The following ADRA1B variants were observed in gnomAD, a reference collection of about 807,000 sequenced individuals.
The protein encoded by ADRA1B is alpha-1B adrenergic receptor.
ADRA1B carries 17 observed loss-of-function variants against 17.9 expected under a neutral mutation model. That is an observed-to-expected ratio of 0.95 (90% CI 0.65 to 1.42). The LOEUF (loss-of-function observed/expected upper bound fraction) is 1.42. Among genes scored for constraint, ADRA1B ranks in the 40% most tolerant of loss-of-function variants. The probability of loss-of-function intolerance (pLI) is 0.00; values close to 1 mark genes in which losing one functional copy is unlikely to be tolerated. For synonymous variants in ADRA1B, 366 were observed against 327.6 expected (o/e 1.12, Z -1.27); for missense variants, 681 against 722.1 (o/e 0.94, Z 0.65).
At chr5:159,882,949 C>T (rs189494831) in intron 1 of ADRA1B, among the ~76,000 whole-genome samples, 35 of 152,256 alleles carry the variant, frequency 2.3e-4, no homozygotes, top group African/African-American at 7.0e-4. Flanking sequence ...TGAAGGCCAA[C>T]CAATCTTCCC....
chr5:159,953,235 C>A (rs1341185428), intron 1 of ADRA1B, among the ~76,000 whole-genome samples: 1 of 152,158 alleles, frequency 6.6e-6, no homozygotes, highest in East Asian at 1.9e-4. Context: ...TAGCACACAC[C>A]TGTAATCCCA....
intron 1 of ADRA1B, among the ~76,000 whole-genome samples, chr5:159,971,634 T>A (rs1303971254): frequency 6.6e-6 from 1 of 152,152 alleles, no homozygotes; most frequent in African/African-American, 2.4e-5. Flanking sequence ...GCTGTTTAAC[T>A]AGATCAAGAA....
In ADRA1B at chr5:159,972,348, C is replaced by T. The variant is rs1351119925; in HGVS notation, c.1419C>T (p.Leu473=). 2 of 1,497,322 alleles carry T rather than the reference C, an allele frequency of 1.3e-6. No homozygotes were observed. Among genetic ancestry groups the T allele is most frequent in the African/African-American group, 1.4e-5 (1 of 69,176 alleles). 92.8% of individuals were successfully genotyped at this position (1,497,322 alleles called of 1,614,324 possible). A position where few individuals can be genotyped will look rare whatever the true frequency, so the allele number is the denominator to read the frequency against. The change falls in exon 2 of 2, where the codon CTC becomes CTT. Residue 473 remains leucine (L), a synonymous_variant. Coordinates refer to ENST00000306675, the MANE Select transcript of ADRA1B (RefSeq NM_000679.4). ...GCGGCCGCCACGACTCGGGCCCGCT[C>T]TTCACCTTCAAGCTCCTGACCGAGC... ...GRRGRHDSGP[L]FTFKLLTEPE... is the part of the protein sequence containing the mutation.
At chr5:159,943,757 G>C (rs1755196613) in intron 1 of ADRA1B, among the ~76,000 whole-genome samples, 2 of 151,954 alleles carry the variant, frequency 1.3e-5, no homozygotes, top group African/African-American at 4.8e-5. Flanking sequence ...CAGATCATAG[G>C]AAGAAAAGAT....
chr5:159,938,590 T>TC (rs1381317210), intron 1 of ADRA1B, among the ~76,000 whole-genome samples: 1 of 152,152 alleles, frequency 6.6e-6, no homozygotes, highest in Non-Finnish European at 1.5e-5. Context: ...CATCTGAATC[T>TC]CAGGATAGAT....
At chr5:159,875,076 G>T (rs1172455022) in intron 1 of ADRA1B, among the ~76,000 whole-genome samples, 1 of 152,070 alleles carries the variant, frequency 6.6e-6, no homozygotes, top group Non-Finnish European at 1.5e-5. Context: ...TCGTTTGGTG[G>T]TATAGGTCCC....
At chr5:159,951,393 G>A (rs1247852738) in intron 1 of ADRA1B, 1 of 860,560 alleles carries the variant, frequency 1.2e-6, no homozygotes, top group African/African-American at 1.6e-5. Flanking sequence ...GTCAATGAAG[G>A]GTCATTAATG....
At chr5:159,969,776 T>G (rs1428704945) in intron 1 of ADRA1B, among the ~76,000 whole-genome samples, 1 of 152,208 alleles carries the variant, frequency 6.6e-6, no homozygotes, top group Non-Finnish European at 1.5e-5. Context: ...TTTTAAGATA[T>G]TTAAATTTGT....
chr5:159,972,523 G>A lies in ADRA1B; in HGVS notation c.*31G>A. The A allele has an allele frequency of 1.5e-6, 1 of 664,422 alleles. No individual in the cohort carries two copies. The highest frequency in any genetic ancestry group is 7.5e-4 in the Middle Eastern group (1 of 1,332). The allele number at this position is 664,422 out of a possible 1,614,324, so 41.2% of individuals were successfully genotyped here. ...CCGTGCGCAGCTTTCTTTCCCTGGG[G>A]AGGAAAACATCGTGGGGGGGAGGGG... On this transcript the variant is annotated 3_prime_UTR_variant, in exon 2 of 2. Transcript: ENST00000306675.
intron 1 of ADRA1B, among the ~76,000 whole-genome samples, chr5:159,966,698 A>T (rs1186920783): frequency 6.6e-6 from 1 of 152,252 alleles, no homozygotes; most frequent in Non-Finnish European, 1.5e-5. Context: ...TGGGTAAATT[A>T]GTACAACCAG....
intron 1 of ADRA1B, chr5:159,951,373 T>C (rs901799098): frequency 2.1e-5 from 21 of 992,726 alleles, no homozygotes; most frequent in Middle Eastern, 3.0e-4. Flanking sequence ...ATGTAAACCA[T>C]GTAGTTGAGG....
chr5:159,878,485 C>A (rs1024288392), intron 1 of ADRA1B, among the ~76,000 whole-genome samples: 2 of 152,198 alleles, frequency 1.3e-5, no homozygotes, highest in African/African-American at 4.8e-5. Flanking sequence ...CTGTTTTCCG[C>A]GTGCAATCTG....
In ADRA1B at chr5:159,972,329, G is replaced by A. The variant is rs1277910780; in HGVS notation, c.1400G>A (p.Arg467His). Reference protein sequence around the residue: ...PAPEPPGRRGRHDSGPLFTFK... With the variant: ...PAPEPPGRRGHHDSGPLFTFK... The stretch of plus-strand genomic sequence containing the variant: ...CCTGAGCCCCCCGGCCGCCGCGGCC[G>A]CCACGACTCGGGCCCGCTCTTCACC... The change falls in exon 2 of 2, where the codon CGC (arginine) becomes CAC (histidine). Residue 467 changes from arginine to histidine, a missense_variant. Coordinates refer to ENST00000306675, the MANE Select transcript of ADRA1B (RefSeq NM_000679.4). 4 of 1,442,028 alleles carry A rather than the reference G, an allele frequency of 2.8e-6. No individual in the cohort carries two copies. The highest frequency in any genetic ancestry group is 3.0e-5 in the African/African-American group (2 of 67,182). 89.3% of individuals were successfully genotyped at this position (1,442,028 alleles called of 1,614,324 possible).
At chr5:159,962,974 A>C (rs1380271834) in intron 1 of ADRA1B, among the ~76,000 whole-genome samples, 1 of 109,616 alleles carries the variant, frequency 9.1e-6, no homozygotes, top group East Asian at 2.6e-4. Context: ...TATGTTGCCC[A>C]GGTTGTTCTC....
chr5:159,883,664 A>T (rs1753891142), intron 1 of ADRA1B, among the ~76,000 whole-genome samples: 1 of 152,212 alleles, frequency 6.6e-6, no homozygotes, highest in African/African-American at 2.4e-5. Context: ...AAATATTTAA[A>T]CACATAATGT....
chr5:159,975,136 G>A (rs1755952579), downstream of ADRA1B, among the ~76,000 whole-genome samples: 1 of 152,154 alleles, frequency 6.6e-6, no homozygotes, highest in East Asian at 1.9e-4. Flanking sequence ...TGAAAACATT[G>A]TGTTAGGATC....
chr5:159,974,019 T>A (rs1561613837), downstream of ADRA1B, among the ~76,000 whole-genome samples: 1 of 152,246 alleles, frequency 6.6e-6, no homozygotes, highest in Non-Finnish European at 1.5e-5. Context: ...GGCAAGAACC[T>A]CTTCCAATAA....
At chr5:159,899,982 C>T (rs11744853) in intron 1 of ADRA1B, among the ~76,000 whole-genome samples, 33,816 of 152,140 alleles carry the variant, frequency 0.22, 3,868 homozygotes, top group African/African-American at 0.24. Context: ...AAATACCCAA[C>T]TAATATATTG....
chr5:159,978,789 G>C, the ADRA1B span, among the ~76,000 whole-genome samples: 7 of 152,208 alleles, frequency 4.6e-5, no homozygotes, highest in South Asian at 2.1e-4. Context: ...CTAAAACCTA[G>C]TGAATGCTCT....
Sources: gnomAD v4.1 joint callset for allele counts (sites outside exome capture counted in the v4.1 genomes callset) on GRCh38, gnomAD v4.1.1 for gene constraint, MANE v1.5 for transcripts, NCBI Gene and HGNC (gene_info 2026-07-23, HGNC 2026-07-21) for gene names.